The following ABLIM1 variants were observed in gnomAD, a reference collection of about 807,000 sequenced individuals.
The protein encoded by ABLIM1 is actin-binding LIM protein 1.
ABLIM1 carries 40 observed loss-of-function variants against 107.0 expected under a neutral mutation model. That is an observed-to-expected ratio of 0.37 (90% CI 0.29 to 0.49). ABLIM1 has a LOEUF of 0.49. ABLIM1 is among the 20% of genes least tolerant of loss of function. The pLI, the probability that ABLIM1 is intolerant of heterozygous loss-of-function variation, is 0.97. For missense variants in ABLIM1, 857 were observed against 1,008.5 expected (o/e 0.85, Z 2.04); for synonymous variants, 357 against 357.3 (o/e 1.00, Z 0.01).
intron 10 of ABLIM1, among the ~76,000 whole-genome samples, chr10:114,472,258 ATTTTT>A (rs1222279518): frequency 1.3e-5 from 2 of 152,036 alleles, no homozygotes; most frequent in African/African-American, 4.8e-5. Context: ...CATTTTTCTT[ATTTTT>A]TTAATATATA....
At position 114,517,043 on chromosome 10, in the gene ABLIM1, C is replaced by T. The variant is rs190669960; in HGVS notation, c.895-25165G>A. On this transcript the variant is annotated intron_variant, in intron 6 of 22. Transcript: ENST00000533213. ...CCTCAAAGAGCAGGGCTGTTGATTA[C>T]GACAAGAACAAGGCTTTTGCCCCTT... Among the ~76,000 whole-genome samples, 11 of 152,148 alleles carry T rather than the reference C, an allele frequency of 7.2e-5. No homozygotes were observed. The East Asian group carries it at 1.5e-3, about 21-fold the overall frequency.
chr10:114,580,403 G>C (rs910368327), intron 2 of ABLIM1, among the ~76,000 whole-genome samples: 3 of 151,928 alleles, frequency 2.0e-5, no homozygotes, highest in African/African-American at 7.3e-5. Context: ...ACACAGGCTG[G>C]TTTCTTGCTA....
chr10:114,623,725 T>A (rs964973542), intron 1 of ABLIM1, among the ~76,000 whole-genome samples: 2 of 152,226 alleles, frequency 1.3e-5, no homozygotes, highest in African/African-American at 4.8e-5. Context: ...CCCAGAAATC[T>A]GTGTTTTCAC....
intron 1 of ABLIM1, among the ~76,000 whole-genome samples, chr10:114,623,098 T>C (rs189332975): frequency 6.6e-6 from 1 of 152,336 alleles, no homozygotes; most frequent in East Asian, 1.9e-4. Context: ...TAGCTGAGAC[T>C]ACAGGCATGC....
At chr10:114,570,499 G>A (rs2071481812) in intron 4 of ABLIM1, among the ~76,000 whole-genome samples, 1 of 149,696 alleles carries the variant, frequency 6.7e-6, no homozygotes, top group Non-Finnish European at 1.5e-5. Context: ...CTTTTATTCT[G>A]CTTTAATTTT....
chr10:114,565,344 C>A (rs891667760), intron 4 of ABLIM1, among the ~76,000 whole-genome samples: 6 of 152,210 alleles, frequency 3.9e-5, no homozygotes, highest in African/African-American at 1.4e-4. Flanking sequence ...CTGTCATGAC[C>A]AGCAGAGTGA....
chr10:114,686,218 C>G (rs2080931407), upstream of ABLIM1, among the ~76,000 whole-genome samples: 2 of 152,016 alleles, frequency 1.3e-5, no homozygotes, highest in South Asian at 2.1e-4. Flanking sequence ...TTATTATAGT[C>G]AAGAAACTGG....
At chr10:114,621,851 C>T (rs547798933) in intron 1 of ABLIM1, among the ~76,000 whole-genome samples, 28 of 152,360 alleles carry the variant, frequency 1.8e-4, no homozygotes, top group African/African-American at 2.9e-4. Context: ...AGAAGCCCTT[C>T]GCTATGGCTC....
At chr10:114,468,784 G>C (rs1035021566) in intron 10 of ABLIM1, among the ~76,000 whole-genome samples, 30 of 151,088 alleles carry the variant, frequency 2.0e-4, no homozygotes, top group Non-Finnish European at 3.5e-4. Context: ...GGGTGCGGTG[G>C]CTCACGTCTG....
chr10:114,476,413 G>A (rs766463840), intron 8 of ABLIM1, among the ~76,000 whole-genome samples: 114 of 152,108 alleles, frequency 7.5e-4, no homozygotes, highest in African/African-American at 2.5e-3. Flanking sequence ...AGGCCGAGGC[G>A]GGTGGATCAC....
At chr10:114,594,569 G>C (rs954874395) in intron 2 of ABLIM1, among the ~76,000 whole-genome samples, 1 of 152,074 alleles carries the variant, frequency 6.6e-6, no homozygotes, top group East Asian at 1.9e-4. Context: ...GGCCAACATG[G>C]TGAAACCCCA....
At chr10:114,540,547 A>G (rs1302340007) in intron 6 of ABLIM1, among the ~76,000 whole-genome samples, 1 of 152,136 alleles carries the variant, frequency 6.6e-6, no homozygotes, top group African/African-American at 2.4e-5. Context: ...GGGCTGCTGG[A>G]GGTTACATGC....
Position 114,707,287 on chromosome 10 carries a change from C to G in ABLIM1, c.-213+60774G>C, listed in dbSNP as rs2081443254. The stretch of plus-strand genomic sequence containing the variant: ...TCGCACTGTCACCCAAGATGGAGTG[C>G]AGTGGTGCAGTCTCAGCTCACTGCA... On this transcript the variant is annotated intron_variant, in intron 1 of 15. Coordinates refer to the ABLIM1 transcript ENST00000651092. The surrounding 1 kb of genome is among the most constrained non-coding windows in gnomAD (Gnocchi z 4.1). Among the ~76,000 whole-genome samples, 1 of 152,098 alleles carries G rather than the reference C, an allele frequency of 6.6e-6. No individual in the cohort carries two copies. The highest frequency in any genetic ancestry group is 1.5e-5 in the Non-Finnish European group (1 of 68,030).
intron 2 of ABLIM1, among the ~76,000 whole-genome samples, chr10:114,594,067 T>G (rs147326756): frequency 4.6e-5 from 7 of 152,342 alleles, no homozygotes; most frequent in African/African-American, 1.7e-4. Context: ...TGTGAATGAC[T>G]AAGATTCTCT....
chr10:114,774,774 A>G, the ABLIM1 span, among the ~76,000 whole-genome samples: 2,339 of 152,200 alleles, frequency 0.015, 47 homozygotes, highest in African/African-American at 0.052. Context: ...CAGAGATGTT[A>G]AATATTTTAG....
chr10:114,787,618 G>A, the ABLIM1 span, among the ~76,000 whole-genome samples: 1 of 146,348 alleles, frequency 6.8e-6, no homozygotes, highest in Non-Finnish European at 1.5e-5. Context: ...GCCCCGTCCG[G>A]GAGGTGAGGG....
At chr10:114,497,364 C>T (rs2059805593) in intron 6 of ABLIM1, among the ~76,000 whole-genome samples, 1 of 152,220 alleles carries the variant, frequency 6.6e-6, no homozygotes, top group East Asian at 1.9e-4. Flanking sequence ...ATCTTTGTAC[C>T]CTGCTCCTTA....
At chr10:114,484,555 A>G (rs766941575) in intron 8 of ABLIM1, among the ~76,000 whole-genome samples, 1 of 151,494 alleles carries the variant, frequency 6.6e-6, no homozygotes, top group Non-Finnish European at 1.5e-5. Context: ...GCTAATTTTT[A>G]TATTTTTAGT....
chr10:114,641,642 T>A (rs1042712797), intron 1 of ABLIM1, among the ~76,000 whole-genome samples: 2 of 152,160 alleles, frequency 1.3e-5, no homozygotes, highest in Non-Finnish European at 2.9e-5. Flanking sequence ...GGACGTGCTA[T>A]GTGAGTAAGT....
Sources: gnomAD v4.1 joint callset for allele counts (sites outside exome capture counted in the v4.1 genomes callset) on GRCh38, gnomAD v4.1.1 for gene constraint, Gnocchi (gnomAD v3.1) non-coding constraint, MANE v1.5 for transcripts, NCBI Gene and HGNC (gene_info 2026-07-23, HGNC 2026-07-21) for gene names.